The following GPC5 variants were observed in gnomAD, a reference collection of about 807,000 sequenced individuals.
GPC5 encodes glypican 5.
Under a neutral mutation model 53.9 loss-of-function variants are expected in GPC5, and 47 were observed. That is an observed-to-expected ratio of 0.87 (90% CI 0.69 to 1.11). The LOEUF (loss-of-function observed/expected upper bound fraction) is 1.11. GPC5 is among the 50% of genes most tolerant of loss of function. The pLI, the probability that GPC5 is intolerant of heterozygous loss-of-function variation, is 0.00. For missense variants in GPC5, 748 were observed against 713.1 expected (o/e 1.05, Z -0.56); for synonymous variants, 286 against 263.3 (o/e 1.09, Z -0.84).
chr13:92,737,766 C>CTTTTTTTTTTTTTTTTT (rs33914729), intron 7 of GPC5, among the ~76,000 whole-genome samples: 2 of 102,132 alleles, frequency 2.0e-5, no homozygotes, highest in African/African-American at 3.8e-5. Flanking sequence ...TTTTCTTTTT[C>CTTTTTTTTTTTTTTTTT]TTTTTTTTTT....
intron 7 of GPC5, among the ~76,000 whole-genome samples, chr13:92,731,507 T>G (rs1486424460): frequency 6.6e-6 from 1 of 151,440 alleles, no homozygotes; most frequent in Non-Finnish European, 1.5e-5. Context: ...GGGGGAGAAT[T>G]AAGAATCGGT....
chr13:92,133,212 TTGTC>T (rs2041758634), intron 6 of GPC5, among the ~76,000 whole-genome samples: 1 of 152,170 alleles, frequency 6.6e-6, no homozygotes, highest in African/African-American at 2.4e-5. Context: ...TGGCATATCT[TTGTC>T]TACAATTTTG....
chr13:92,061,988 C>T (rs1386656289), intron 6 of GPC5, among the ~76,000 whole-genome samples: 1 of 151,936 alleles, frequency 6.6e-6, no homozygotes, highest in Non-Finnish European at 1.5e-5. Context: ...CTCTGTTTAA[C>T]TAACATGTTT....
Position 91,608,978 on chromosome 13 carries a change from T to G in GPC5, c.326-84209T>G, listed in dbSNP as rs552239443. Among the ~76,000 whole-genome samples the G allele has an allele frequency of 1.5e-4, 16 of 108,304 alleles. 1 individual carries two copies. The South Asian group carries it at 4.2e-3, about 29-fold the overall frequency. 71.1% of individuals were successfully genotyped at this position (108,304 alleles called of 152,430 possible). ...ATCAGACTATTAATAAAAAGTCAAA[T>G]TCAGTGTGACAACATTGTAGGTGTG... On this transcript the variant is annotated intron_variant, in intron 2 of 7. Coordinates refer to ENST00000377067, the MANE Select transcript of GPC5 (RefSeq NM_004466.6).
chr13:92,670,255 T>A (rs1181045459), intron 7 of GPC5, among the ~76,000 whole-genome samples: 1 of 152,146 alleles, frequency 6.6e-6, no homozygotes, highest in Non-Finnish European at 1.5e-5. Flanking sequence ...CTAATCCATA[T>A]GGATGCCAAG....
chr13:92,786,862 G>T (rs1876252454), intron 7 of GPC5, among the ~76,000 whole-genome samples: 1 of 152,118 alleles, frequency 6.6e-6, no homozygotes, highest in Admixed American at 6.5e-5. Context: ...CCCGGACATG[G>T]AGAATGGAGG....
intron 6 of GPC5, among the ~76,000 whole-genome samples, chr13:91,970,004 G>A (rs1270849203): frequency 6.6e-6 from 1 of 152,130 alleles, no homozygotes; most frequent in Non-Finnish European, 1.5e-5. Context: ...TAGTCAAGAT[G>A]AGGAATCAAC....
At chr13:91,918,871 C>G (rs2039684406) in intron 6 of GPC5, among the ~76,000 whole-genome samples, 1 of 151,890 alleles carries the variant, frequency 6.6e-6, no homozygotes, top group African/African-American at 2.4e-5. Context: ...TCCCTTTTAT[C>G]TTCTCATCTT....
intron 7 of GPC5, among the ~76,000 whole-genome samples, chr13:92,367,547 T>C (rs2043616142): frequency 6.6e-6 from 1 of 152,244 alleles, no homozygotes; most frequent in African/African-American, 2.4e-5. Context: ...TGGTAAGAGA[T>C]ATTTTGTACC....
At chr13:91,492,324 T>G (rs965002119) in intron 2 of GPC5, among the ~76,000 whole-genome samples, 5 of 152,178 alleles carry the variant, frequency 3.3e-5, no homozygotes, top group African/African-American at 1.2e-4. Context: ...GGAATTGGCT[T>G]ACACAGTTAT....
At chr13:91,885,286 TTA>T (rs1255123170) in intron 5 of GPC5, among the ~76,000 whole-genome samples, 1 of 152,238 alleles carries the variant, frequency 6.6e-6, no homozygotes. Flanking sequence ...CTTAAAATCT[TTA>T]TGTCTTCTAA....
At chr13:91,643,921 AG>A (rs2034495017) in intron 2 of GPC5, among the ~76,000 whole-genome samples, 1 of 151,948 alleles carries the variant, frequency 6.6e-6, no homozygotes, top group South Asian at 2.1e-4. Context: ...TGAGCTATTG[AG>A]GCAAGCTCAA....
At chr13:92,022,348 C>T (rs149843168) in intron 6 of GPC5, among the ~76,000 whole-genome samples, 43 of 152,034 alleles carry the variant, frequency 2.8e-4, no homozygotes, top group African/African-American at 8.2e-4. Flanking sequence ...TTCTTGAAGC[C>T]GGTTTTAGTC....
intron 7 of GPC5, among the ~76,000 whole-genome samples, chr13:92,809,465 A>G (rs912346334): frequency 6.6e-6 from 1 of 152,170 alleles, no homozygotes; most frequent in Non-Finnish European, 1.5e-5. Context: ...GTCAAAAATT[A>G]TAGATTAAAT....
chr13:92,440,614 C>A (rs1261780658), intron 7 of GPC5, among the ~76,000 whole-genome samples: 1 of 151,962 alleles, frequency 6.6e-6, no homozygotes, highest in African/African-American at 2.4e-5. Flanking sequence ...GGGTATATAC[C>A]CAGGAATGGG....
chr13:92,136,550 T>A (rs1416114388), intron 6 of GPC5, among the ~76,000 whole-genome samples: 1 of 152,242 alleles, frequency 6.6e-6, no homozygotes, highest in Non-Finnish European at 1.5e-5. Context: ...TACATTTGAA[T>A]GGGTGACTAG....
intron 7 of GPC5, among the ~76,000 whole-genome samples, chr13:92,756,182 A>C (rs1343473984): frequency 1.1e-4 from 17 of 152,226 alleles, no homozygotes; most frequent in Admixed American, 3.9e-4. Context: ...CATTATATGC[A>C]AATCAATAAA....
chr13:92,597,770 T>A (rs1037692704), intron 7 of GPC5, among the ~76,000 whole-genome samples: 2 of 152,222 alleles, frequency 1.3e-5, no homozygotes, highest in Non-Finnish European at 2.9e-5. Flanking sequence ...GATAAATGAA[T>A]CTGTCTTTAT....
chr13:92,060,294 T>C (rs989980403), intron 6 of GPC5, among the ~76,000 whole-genome samples: 9 of 152,096 alleles, frequency 5.9e-5, no homozygotes, highest in Admixed American at 3.3e-4. Context: ...GCCTTTTGTA[T>C]TGAATATAAT....
Sources: allele counts gnomAD v4.1 joint callset (sites outside exome capture counted in the v4.1 genomes callset), GRCh38; gene constraint gnomAD v4.1.1; transcripts MANE v1.5; gene names NCBI Gene and HGNC (gene_info 2026-07-23, HGNC 2026-07-21).